SUPT3H: variants seen among roughly 807,000 people sequenced by gnomAD.
SUPT3H encodes SPT3 homolog, SAGA and STAGA complex component, also known as transcription initiation protein SPT3 homolog.
In SUPT3H, 44 loss-of-function variants were observed where a neutral mutation model predicts 44.3. That is an observed-to-expected ratio of 0.99 (90% CI 0.78 to 1.28). SUPT3H has a LOEUF of 1.28. SUPT3H is among the 50% of genes most tolerant of loss of function. The probability of loss-of-function intolerance (pLI) is 0.00; values close to 1 mark genes in which losing one functional copy is unlikely to be tolerated. For missense variants in SUPT3H, 380 were observed against 387.1 expected (o/e 0.98, Z 0.15); for synonymous variants, 124 against 125.6 (o/e 0.99, Z 0.09).
chr6:45,062,687 A>G (rs1792354176), intron 3 of SUPT3H, among the ~76,000 whole-genome samples: 1 of 152,190 alleles, frequency 6.6e-6, no homozygotes. Flanking sequence ...TCCGAGTCAA[A>G]GAAAGGGGTG....
At chr6:45,170,010 A>T (rs1810514693) in intron 2 of SUPT3H, among the ~76,000 whole-genome samples, 1 of 152,238 alleles carries the variant, frequency 6.6e-6, no homozygotes, top group African/African-American at 2.4e-5. Context: ...ATGGTCACAC[A>T]TTAAGTCAGA....
At chr6:45,212,481 A>ATATGTG (rs1764265927) in intron 2 of SUPT3H, among the ~76,000 whole-genome samples, 1 of 43,466 alleles carries the variant, frequency 2.3e-5, no homozygotes, top group Non-Finnish European at 4.1e-5. Context: ...CACCTCCACT[A>ATATGTG]TGTGTGTGTG....
chr6:45,274,086 T>G (rs1417561108), intron 2 of SUPT3H, among the ~76,000 whole-genome samples: 2 of 152,228 alleles, frequency 1.3e-5, no homozygotes, highest in African/African-American at 4.8e-5. Flanking sequence ...ATTTGGCCAT[T>G]TGTAAATCTT....
intron 2 of SUPT3H, among the ~76,000 whole-genome samples, chr6:45,140,017 A>G (rs1231545680): frequency 6.6e-6 from 1 of 152,122 alleles, no homozygotes; most frequent in Non-Finnish European, 1.5e-5. Context: ...GACTGGGGCA[A>G]GGTCTGAGCG....
At chr6:45,058,083 AT>A (rs921065434) in intron 3 of SUPT3H, among the ~76,000 whole-genome samples, 1 of 152,072 alleles carries the variant, frequency 6.6e-6, no homozygotes, top group Non-Finnish European at 1.5e-5. Context: ...TGGGGTGCTT[AT>A]TTTTTTAACT....
chr6:44,956,148 C>T (rs1775123668), intron 7 of SUPT3H, among the ~76,000 whole-genome samples: 2 of 149,332 alleles, frequency 1.3e-5, no homozygotes, highest in African/African-American at 4.9e-5. Flanking sequence ...TGTAACTAAA[C>T]ACCACCGGTT....
intron 2 of SUPT3H, among the ~76,000 whole-genome samples, chr6:45,219,576 A>G (rs1323430173): frequency 6.6e-6 from 1 of 152,188 alleles, no homozygotes; most frequent in Non-Finnish European, 1.5e-5. Flanking sequence ...ACCAAAATAC[A>G]ACCAGTGTGA....
At chr6:45,043,467 C>T (rs980813122) in intron 3 of SUPT3H, among the ~76,000 whole-genome samples, 3 of 152,078 alleles carry the variant, frequency 2.0e-5, no homozygotes. Flanking sequence ...TAACACAGTC[C>T]TTTTCCTCCT....
intron 3 of SUPT3H, among the ~76,000 whole-genome samples, chr6:45,043,898 G>T (rs1788972235): frequency 6.6e-6 from 1 of 152,062 alleles, no homozygotes; most frequent in South Asian, 2.1e-4. Flanking sequence ...ACAACTCAGG[G>T]CTTTCAAGAA....
chr6:45,124,746 G>T (rs1277287083), intron 2 of SUPT3H, among the ~76,000 whole-genome samples: 1 of 151,922 alleles, frequency 6.6e-6, no homozygotes, highest in East Asian at 1.9e-4. Context: ...ACTGTTATAG[G>T]TTGAATTGTG....
rs79083852 is a variant in SUPT3H at position 45,124,772 on chromosome 6, T to C, written c.102-18766A>G. Among the ~76,000 whole-genome samples the C allele has an allele frequency of 3.9e-3, 596 of 152,158 alleles. 7 individuals are homozygous for C. The highest frequency in any genetic ancestry group is 0.014 in the African/African-American group (569 of 41,504). ...TTGAATTGTGTCCTTCCAAAAACAA[T>C]GTATAAAAATCCTAACCCCTAGTAC... On this transcript the variant is annotated intron_variant, in intron 2 of 10. Coordinates refer to ENST00000371459, the MANE Select transcript of SUPT3H (RefSeq NM_003599.4).
intron 2 of SUPT3H, among the ~76,000 whole-genome samples, chr6:45,241,966 T>C (rs780552042): frequency 1.3e-5 from 2 of 152,322 alleles, no homozygotes; most frequent in Admixed American, 6.5e-5. Flanking sequence ...GGTTATGTTT[T>C]ACTCTATCCA....
intron 3 of SUPT3H, among the ~76,000 whole-genome samples, chr6:45,061,975 TACACACTAAAAC>T (rs1792162682): frequency 6.7e-6 from 1 of 150,122 alleles, no homozygotes; most frequent in Admixed American, 6.7e-5. Context: ...TATGAACACT[TACACACTAAAAC>T]ACACACTATT....
chr6:45,367,063 A>T (rs1795254840), intron 1 of SUPT3H, among the ~76,000 whole-genome samples: 1 of 152,174 alleles, frequency 6.6e-6, no homozygotes, highest in Non-Finnish European at 1.5e-5. Context: ...AGGTTGGGGA[A>T]AAAAAGCTAC....
At chr6:45,205,740 T>C (rs2153628126) in intron 2 of SUPT3H, among the ~76,000 whole-genome samples, 1 of 152,044 alleles carries the variant, frequency 6.6e-6, no homozygotes, top group African/African-American at 2.4e-5. Context: ...GAGGCTGCAG[T>C]GAGCCAAGAT....
intron 2 of SUPT3H, among the ~76,000 whole-genome samples, chr6:45,312,883 T>C (rs796628334): frequency 1.1e-4 from 16 of 152,244 alleles, no homozygotes; most frequent in East Asian, 1.9e-4. Context: ...GACCATATGA[T>C]AGGCCATATA....
intron 10 of SUPT3H, among the ~76,000 whole-genome samples, chr6:44,865,145 T>C (rs1775305090): frequency 6.6e-6 from 1 of 152,176 alleles, no homozygotes; most frequent in Non-Finnish European, 1.5e-5. Context: ...AGTGTCACCT[T>C]TGCTCCAGTT....
chr6:45,286,162 A>T (rs1449816866), intron 2 of SUPT3H, among the ~76,000 whole-genome samples: 3 of 151,818 alleles, frequency 2.0e-5, no homozygotes, highest in East Asian at 3.9e-4. Flanking sequence ...AACCTAGGCA[A>T]TACCATTCAG....
At chr6:45,235,804 G>GC (rs1218499521) in intron 2 of SUPT3H, among the ~76,000 whole-genome samples, 2 of 152,264 alleles carry the variant, frequency 1.3e-5, no homozygotes, top group Non-Finnish European at 1.5e-5. Flanking sequence ...CTGCAGCACT[G>GC]TGACATGTTC....
Sources: gnomAD v4.1 joint callset for allele counts (sites outside exome capture counted in the v4.1 genomes callset) on GRCh38, gnomAD v4.1.1 for gene constraint, MANE v1.5 for transcripts, NCBI Gene and HGNC (gene_info 2026-07-23, HGNC 2026-07-21) for gene names.